CRACR2A: variants seen among roughly 807,000 people sequenced by gnomAD.
The protein encoded by CRACR2A is EF-hand calcium-binding domain-containing protein 4B.
A neutral mutation model predicts 90.5 loss-of-function variants in CRACR2A; 79 were observed. The ratio of observed to expected loss-of-function variants is 0.87; its 90% CI spans 0.73 to 1.05. The LOEUF (loss-of-function observed/expected upper bound fraction) is 1.05. Among genes scored for constraint, CRACR2A ranks in the 50% least tolerant of loss-of-function variants. The pLI, the probability that CRACR2A is intolerant of heterozygous loss-of-function variation, is 0.00. For synonymous variants in CRACR2A, 338 were observed against 356.7 expected, an observed-to-expected ratio of 0.95 and a Z score of 0.59; for missense variants, 823 against 897.2, an observed-to-expected ratio of 0.92 and a Z score of 1.06.
rs1944285774 is a variant in CRACR2A at position 3,627,445 on chromosome 12, G to A, written c.1923C>T (p.Ser641=). The change falls in exon 17 of 20, where the codon AGC becomes AGT. Residue 641 remains serine, a synonymous_variant. Transcript: ENST00000440314. ...QSFLSVRRWL[S]SVEEAVGDRV... ...AAGGTCGCCAGCTCACCTCCACGCT[G>A]CTCAGCCACCGCCGGACCGACAGGA... The A allele has an allele frequency of 1.3e-6, 2 of 1,551,708 alleles. No individual in the cohort carries two copies. The highest frequency in any genetic ancestry group is 1.7e-4 in the Middle Eastern group (1 of 5,992).
intron 7 of CRACR2A, among the ~76,000 whole-genome samples, chr12:3,662,795 G>A (rs1945062083): frequency 6.6e-6 from 1 of 152,226 alleles, no homozygotes; most frequent in Non-Finnish European, 1.5e-5. Flanking sequence ...GCGGGCAGTG[G>A]CAGCAAGAGA....
chr12:3,654,121 G>T, intron 10 of CRACR2A, 91 bp downstream of exon 10: 1 of 1,464,546 alleles, frequency 6.8e-7, no homozygotes, highest in Non-Finnish European at 9.3e-7. Context: ...TCACAGGCAA[G>T]GAGACAGGGT....
In CRACR2A at chr12:3,733,133, C is replaced by T. The variant is rs1221027076; in HGVS notation, c.-309G>A. ...GAAGAGTGGCAAGTTGCTGCTGCCC[C>T]ACCCTTGACAAACAGCCCAATGGCC... On this transcript the variant is annotated 5_prime_UTR_variant, in exon 2 of 20. Coordinates refer to ENST00000440314, the MANE Select transcript of CRACR2A (RefSeq NM_001144958.2). 1 of 152,764 alleles carries T rather than the reference C, an allele frequency of 6.5e-6. No individual in the cohort carries two copies. The highest frequency in any genetic ancestry group is 2.4e-5 in the African/African-American group (1 of 41,474). 9.5% of individuals were successfully genotyped at this position (152,764 alleles called of 1,614,324 possible). A position where few individuals can be genotyped will look rare whatever the true frequency, so the allele number is the denominator to read the frequency against.
intron 17 of CRACR2A, among the ~76,000 whole-genome samples, chr12:3,624,801 C>A (rs1027521089): frequency 6.6e-6 from 1 of 152,224 alleles, no homozygotes; most frequent in African/African-American, 2.4e-5. Flanking sequence ...AGACCCCAGT[C>A]CCGACCTGCT....
At chr12:3,750,364 G>A (rs752966891) in intron 1 of CRACR2A, among the ~76,000 whole-genome samples, 6 of 152,160 alleles carry the variant, frequency 3.9e-5, no homozygotes, top group Non-Finnish European at 7.3e-5. Context: ...ACTAACAGCT[G>A]ACAAAGGACC....
chr12:3,706,702 G>A (rs1257917226), intron 3 of CRACR2A, among the ~76,000 whole-genome samples: 2 of 152,212 alleles, frequency 1.3e-5, no homozygotes, highest in Admixed American at 6.5e-5. Context: ...CTGGATTCAA[G>A]CAAGTCTCCT....
At position 3,643,893 on chromosome 12, in the gene CRACR2A, TAATA is replaced by T. The variant is rs1257432373; in HGVS notation, c.1164+698_1164+701del. Among the ~76,000 whole-genome samples, 6 of 112,692 alleles carry T rather than the reference TAATA, an allele frequency of 5.3e-5. No homozygotes were observed. The South Asian group carries it at 1.2e-3, about 22-fold the overall frequency. 73.9% of individuals were successfully genotyped at this position (112,692 alleles called of 152,430 possible). On this transcript the variant is annotated intron_variant, in intron 12 of 19. Coordinates refer to ENST00000440314, the MANE Select transcript of CRACR2A (RefSeq NM_001144958.2). ...TATTATATATATTTATATTAATATA[TAATA>T]TATATTATATATATTTATATTATAT... is the stretch of plus-strand genomic sequence containing the variant.
At chr12:3,658,339 T>C (rs753565571) in intron 8 of CRACR2A, among the ~76,000 whole-genome samples, 1 of 151,822 alleles carries the variant, frequency 6.6e-6, no homozygotes, top group Non-Finnish European at 1.5e-5. Context: ...TCAGCCTCTC[T>C]GTGCAGGATG....
At chr12:3,641,632 C>G in intron 13 of CRACR2A, 100 bp downstream of exon 13, 1 of 1,014,610 alleles carries the variant, frequency 9.9e-7, no homozygotes, top group Non-Finnish European at 1.5e-6. Flanking sequence ...CCTCAGTTTC[C>G]GCACCTCTCA....
chr12:3,734,444 T>C (rs1305409315), intron 1 of CRACR2A, among the ~76,000 whole-genome samples: 1 of 152,014 alleles, frequency 6.6e-6, no homozygotes, highest in African/African-American at 2.4e-5. Context: ...AAACTAAAAA[T>C]AGAACTAGCA....
chr12:3,640,479 C>A, intron 13 of CRACR2A: 1 of 1,178,314 alleles, frequency 8.5e-7, no homozygotes. Context: ...AAAAGAATGT[C>A]TGGTACACAG....
chr12:3,673,151 C>A (rs559929553), intron 7 of CRACR2A, among the ~76,000 whole-genome samples: 1 of 152,292 alleles, frequency 6.6e-6, no homozygotes, highest in African/African-American at 2.4e-5. Context: ...GCAAAATGTG[C>A]AGATAATAAA....
intron 11 of CRACR2A, among the ~76,000 whole-genome samples, chr12:3,646,698 G>A (rs77076805): frequency 0.061 from 9,235 of 152,254 alleles, 400 homozygotes; most frequent in Middle Eastern, 0.11. Flanking sequence ...CGCTCCGCGC[G>A]GAGCTGTGAG....
chr12:3,679,729 G>T (rs1423449928), intron 5 of CRACR2A, among the ~76,000 whole-genome samples: 1 of 152,146 alleles, frequency 6.6e-6, no homozygotes, highest in Non-Finnish European at 1.5e-5. Flanking sequence ...TCTTTATATT[G>T]TTCATAGATC....
chr12:3,673,686 G>C, intron 6 of CRACR2A, 94 bp from the exon 7 acceptor site: 2 of 1,468,452 alleles, frequency 1.4e-6, no homozygotes, highest in Middle Eastern at 2.5e-4. Flanking sequence ...GCCAGAAACA[G>C]TACCGTCAGA....
At chr12:3,747,538 C>T (rs1946645118) in intron 1 of CRACR2A, among the ~76,000 whole-genome samples, 1 of 152,212 alleles carries the variant, frequency 6.6e-6, no homozygotes, top group Admixed American at 6.5e-5. Flanking sequence ...ACCAAGAGAA[C>T]TCTGATGGAC....
chr12:3,638,432 C>G lies in CRACR2A; in HGVS notation c.1294G>C (p.Val432Leu). Reference protein sequence around the residue: ...LRSQSEEEEEVFGIPRRSSLG... With the variant: ...LRSQSEEEEELFGIPRRSSLG... ...GAGCTTCTCCTTGGGATGCCAAACA[C>G]CTCCTCCTCCTCCTCTGACTGGCTA... The change falls in exon 14 of 20, where the codon GTG becomes CTG. Residue 432 changes from valine (V) to leucine (L), a missense_variant. Val to Leu is a conservative substitution (Grantham distance 32). Transcript: ENST00000440314. The G allele has an allele frequency of 5.2e-6, 8 of 1,525,448 alleles. No homozygotes were observed. Among genetic ancestry groups the G allele is most frequent in the African/African-American group, 1.4e-5 (1 of 72,298 alleles). The allele number at this position is 1,525,448 out of a possible 1,614,324, so 94.5% of individuals were successfully genotyped here. A position where few individuals can be genotyped will look rare whatever the true frequency, so the allele number is the denominator to read the frequency against.
chr12:3,666,881 A>G (rs2137542807), intron 7 of CRACR2A, among the ~76,000 whole-genome samples: 1 of 152,358 alleles, frequency 6.6e-6, no homozygotes, highest in Admixed American at 6.5e-5. Context: ...AATCATTCCA[A>G]GAAAAATGTA....
chr12:3,628,741 C>T (rs1264404548), intron 15 of CRACR2A, among the ~76,000 whole-genome samples: 3 of 152,234 alleles, frequency 2.0e-5, no homozygotes, highest in Non-Finnish European at 2.9e-5. Flanking sequence ...TTTAGGGCAT[C>T]TCCCGCAACC....
Sources: gnomAD v4.1 joint callset for allele counts (sites outside exome capture counted in the v4.1 genomes callset) on GRCh38, gnomAD v4.1.1 for gene constraint, MANE v1.5 for transcripts, NCBI Gene and HGNC (gene_info 2026-07-23, HGNC 2026-07-21) for gene names.